The following HTR1D variants were observed in gnomAD, a reference collection of about 807,000 sequenced individuals.
The protein encoded by HTR1D is 5-hydroxytryptamine receptor 1D.
A neutral mutation model predicts 21.1 loss-of-function variants in HTR1D; 18 were observed. The ratio of observed to expected loss-of-function variants is 0.85; its 90% confidence interval spans 0.59 to 1.27. The LOEUF is 1.27. Among genes scored for constraint, HTR1D ranks in the 50% most tolerant of loss-of-function variants. The probability of loss-of-function intolerance (pLI) is 0.00; values close to 1 mark genes in which losing one functional copy is unlikely to be tolerated. For missense variants in HTR1D, 456 were observed against 481.4 expected (o/e 0.95, Z 0.49); for synonymous variants, 196 against 204.4 (o/e 0.96, Z 0.35).
intron 1 of HTR1D, among the ~76,000 whole-genome samples, chr1:23,210,024 T>A (rs1165217476): frequency 1.3e-5 from 2 of 152,144 alleles, no homozygotes; most frequent in Non-Finnish European, 2.9e-5. Context: ...AATGTGTACA[T>A]GCATTACCTA....
chr1:23,208,858 G>A (rs1644742518), intron 1 of HTR1D, among the ~76,000 whole-genome samples: 2 of 152,110 alleles, frequency 1.3e-5, no homozygotes, highest in South Asian at 4.1e-4. Context: ...CACTTGAAAT[G>A]TAGCCCCTGA....
Position 23,208,582 on chromosome 1 carries a change from A to G in HTR1D, c.-783+8709T>C, listed in dbSNP as rs1324760061. On this transcript the variant is annotated intron_variant, in intron 1 of 1. Coordinates refer to ENST00000374619, the MANE Select transcript of HTR1D (RefSeq NM_000864.5). Reference sequence around the variant, plus strand: ...GCGAAACCCCATCTCAAAAGAAAAAAAAAAGAAAGAAAGAAAAAAAAAATT... The same window carrying G: ...GCGAAACCCCATCTCAAAAGAAAAAGAAAAGAAAGAAAGAAAAAAAAAATT... Among the ~76,000 whole-genome samples, 58 of 152,114 alleles carry G rather than the reference A, an allele frequency of 3.8e-4. 1 individual carries two copies. The highest frequency in any genetic ancestry group is 3.8e-3 in the Admixed American group (58 of 15,260).
In HTR1D at chr1:23,193,139, C is replaced by T. The variant is rs1342374644; in HGVS notation, c.1081G>A (p.Glu361Lys). The T allele has an allele frequency of 1.2e-6, 2 of 1,612,816 alleles. No individual in the cohort carries two copies. Among genetic ancestry groups the T allele is most frequent in the South Asian group, 1.1e-5 (1 of 90,640 alleles). ...INPIIYTVFN[E>K]EFRQAFQKIV... ...TTCTGAAAAGCTTGCCGAAACTCTT[C>T]ATTAAACACAGTGTAGATTATTGGA... The change falls in exon 2 of 2, where the codon GAA becomes AAA. Residue 361 changes from glutamate (E) to lysine (K), a missense_variant. Physicochemically the swap from Glu to Lys is moderately conservative, Grantham distance 56 (BLOSUM62 1). Coordinates refer to ENST00000374619, the MANE Select transcript of HTR1D (RefSeq NM_000864.5).
Position 23,193,795 on chromosome 1 carries a change from TCTGTGATTGCCCAGTAC to T in HTR1D, c.408_424del (p.Tyr137CysfsTer6), listed in dbSNP as rs753903058. ...CCTGCGTTTACTGTATTCCAGGGCATCTGTGATTGCCCAGTACCTGTCCAGAGCAATGACACAGAGAT... is the reference window on the plus strand; with the variant it reads ...CCTGCGTTTACTGTATTCCAGGGCATCTGTCCAGAGCAATGACACAGAGAT... On this transcript the variant is annotated frameshift_variant, in exon 2 of 2. Transcript: ENST00000374619. LOFTEE classifies it high-confidence loss of function. 1.9e-6 allele frequency: 3 copies of T among 1,614,154 alleles called. No homozygotes were observed. The South Asian group carries it at 3.3e-5, about 18-fold the overall frequency.
chr1:23,196,435 A>T (rs901538075), intron 1 of HTR1D, among the ~76,000 whole-genome samples: 1 of 144,418 alleles, frequency 6.9e-6, no homozygotes, highest in African/African-American at 2.6e-5. Flanking sequence ...CCAGAGTGAA[A>T]CTCTGCCAAA....
chr1:23,193,323 G>A lies in HTR1D; in HGVS notation c.897C>T (p.Ala299=), dbSNP rs777746700. 23 of 1,614,058 alleles carry A rather than the reference G, an allele frequency of 1.4e-5. 1 individual carries two copies. The Admixed American group carries it at 3.8e-4, about 27-fold the overall frequency. Reference sequence around the variant, plus strand: ...CCAGAATGATGCCCAGGATTTTAGTGGCTTTCCTTTCTCGAGCAGCAGAAA... The same window carrying A: ...CCAGAATGATGCCCAGGATTTTAGTAGCTTTCCTTTCTCGAGCAGCAGAAA... The part of the protein sequence containing the change: ...KRISAARERK[A]TKILGIILGA... Residue 299 remains alanine (A), a synonymous_variant, in exon 2 of 2, where the codon GCC becomes GCT. Transcript: ENST00000374619.
At chr1:23,206,305 C>T (rs1237221678) in intron 1 of HTR1D, among the ~76,000 whole-genome samples, 3 of 152,168 alleles carry the variant, frequency 2.0e-5, no homozygotes, top group Non-Finnish European at 2.9e-5. Flanking sequence ...GCTGGGATTA[C>T]GGGCGTGAGC....
chr1:23,193,199 A>G lies in HTR1D; in HGVS notation c.1021T>C (p.Phe341Leu), dbSNP rs2148236962. 1 of 1,614,114 alleles carries G rather than the reference A, an allele frequency of 6.2e-7. No homozygotes were observed. The highest frequency in any genetic ancestry group is 2.2e-5 in the East Asian group (1 of 44,874). ...CWIHPALFDF[F>L]TWLGYLNSLI... ...GAGTTTAAATAGCCTAGCCAGGTGA[A>G]GAAGTCAAAGAGCGCCGGGTGGATC... The change falls in exon 2 of 2, where the codon TTC (phenylalanine) becomes CTC (leucine). Residue 341 changes from phenylalanine (F) to leucine (L), a missense_variant. Coordinates refer to ENST00000374619, the MANE Select transcript of HTR1D (RefSeq NM_000864.5).
chr1:23,202,175 C>T (rs1012213818), intron 1 of HTR1D, among the ~76,000 whole-genome samples: 3 of 151,998 alleles, frequency 2.0e-5, no homozygotes, highest in African/African-American at 7.2e-5. Flanking sequence ...CAGCTCACTG[C>T]AACCTTTGCC....
intron 1 of HTR1D, among the ~76,000 whole-genome samples, chr1:23,206,082 C>T (rs1323989993): frequency 6.6e-6 from 1 of 151,890 alleles, no homozygotes; most frequent in African/African-American, 2.4e-5. Context: ...CGTTCCGTCA[C>T]CCAGGCTGCA....
At chr1:23,207,988 C>A (rs1219398142) in intron 1 of HTR1D, among the ~76,000 whole-genome samples, 1 of 152,088 alleles carries the variant, frequency 6.6e-6, no homozygotes, top group East Asian at 1.9e-4. Context: ...GTCTCGAACT[C>A]TTGACCTCAG....
intron 1 of HTR1D, among the ~76,000 whole-genome samples, chr1:23,203,819 C>T (rs910532016): frequency 4.6e-5 from 7 of 152,130 alleles, no homozygotes; most frequent in African/African-American, 1.7e-4. Context: ...TTCATAACAA[C>T]CCCAAATTGC....
chr1:23,212,946 C>G (rs1041524982), intron 1 of HTR1D, among the ~76,000 whole-genome samples: 3 of 152,074 alleles, frequency 2.0e-5, no homozygotes, highest in Non-Finnish European at 4.4e-5. Flanking sequence ...CCTGCCTCAG[C>G]CTCCCAAGCA....
chr1:23,209,077 C>G (rs376900467), intron 1 of HTR1D, among the ~76,000 whole-genome samples: 1 of 148,942 alleles, frequency 6.7e-6, no homozygotes, highest in African/African-American at 2.5e-5. Context: ...CTGACTGCAA[C>G]CTCTTCCTCT....
chr1:23,207,253 T>G (rs1644735117), intron 1 of HTR1D, among the ~76,000 whole-genome samples: 1 of 151,876 alleles, frequency 6.6e-6, no homozygotes, highest in Non-Finnish European at 1.5e-5. Context: ...AATACAAAAA[T>G]TATCTGGGTG....
intron 1 of HTR1D, among the ~76,000 whole-genome samples, chr1:23,209,138 G>A (rs1006536493): frequency 1.3e-4 from 19 of 151,664 alleles, no homozygotes; most frequent in Non-Finnish European, 2.6e-4. Context: ...TGAAATTACA[G>A]GTGCGCACCA....
chr1:23,204,670 T>G (rs1239838574), intron 1 of HTR1D, among the ~76,000 whole-genome samples: 2 of 152,230 alleles, frequency 1.3e-5, no homozygotes, highest in Non-Finnish European at 2.9e-5. Context: ...GAGGCAGAAG[T>G]GACAGTAAGC....
chr1:23,204,485 C>T (rs1426574923), intron 1 of HTR1D, among the ~76,000 whole-genome samples: 8 of 152,192 alleles, frequency 5.3e-5, no homozygotes, highest in Non-Finnish European at 1.2e-4. Context: ...ACATGACTGT[C>T]ACATGAGTGA....
Position 23,193,514 on chromosome 1 carries a change from C to T in HTR1D, c.706G>A (p.Gly236Arg), listed in dbSNP as rs1464204504. Residue 236 changes from glycine to arginine, a missense_variant, in exon 2 of 2, where the codon GGG (glycine) becomes AGG (arginine). Physicochemically the swap from Gly to Arg is moderately radical, Grantham distance 125. Coordinates refer to ENST00000374619, the MANE Select transcript of HTR1D (RefSeq NM_000864.5). ...NRILNPPSLY[G>R]KRFTTAHLIT... ...AGGTGGGCCGTGGTGAAGCGCTTCC[C>T]ATAGAGTGAGGGTGGATTCAGGATG... The T allele has an allele frequency of 6.2e-7, 1 of 1,613,976 alleles. No individual in the cohort carries two copies. The highest frequency in any genetic ancestry group is 1.7e-5 in the Admixed American group (1 of 60,014).
Sources: gnomAD v4.1 joint callset for allele counts (sites outside exome capture counted in the v4.1 genomes callset) on GRCh38, gnomAD v4.1.1 for gene constraint, MANE v1.5 for transcripts, NCBI Gene and HGNC (gene_info 2026-07-23, HGNC 2026-07-21) for gene names.